Variants in LSAMP observed in about 807,000 individuals in gnomAD.
LSAMP encodes limbic system-associated membrane protein.
Under a neutral mutation model 38.6 loss-of-function variants are expected in LSAMP, and 7 were observed. That is an observed-to-expected ratio of 0.18 (90% confidence interval 0.10 to 0.34). The LOEUF (loss-of-function observed/expected upper bound fraction) is 0.34. Among genes scored for constraint, LSAMP ranks in the 10% least tolerant of loss-of-function variants. The probability of loss-of-function intolerance (pLI) is 1.00; values close to 1 mark genes in which losing one functional copy is unlikely to be tolerated. For synonymous variants in LSAMP, 154 were observed against 166.8 expected, an observed-to-expected ratio of 0.92 and a Z score of 0.59; for missense variants, 313 against 420.0, an observed-to-expected ratio of 0.75 and a Z score of 2.23.
intron 1 of LSAMP, among the ~76,000 whole-genome samples, chr3:116,169,139 A>C (rs537954024): frequency 5.7e-4 from 87 of 152,246 alleles, no homozygotes; most frequent in Middle Eastern, 3.4e-3. Context: ...CAGGAGTTCC[A>C]TTTACAGGGA....
chr3:116,285,372 T>TA (rs896634295), intron 1 of LSAMP, among the ~76,000 whole-genome samples: 31 of 152,110 alleles, frequency 2.0e-4, no homozygotes, highest in African/African-American at 7.2e-4. Flanking sequence ...CTTATAGATA[T>TA]ATGGGTGAGT....
chr3:116,248,780 T>A (rs1281131032), intron 1 of LSAMP, among the ~76,000 whole-genome samples: 2 of 152,058 alleles, frequency 1.3e-5, no homozygotes, highest in African/African-American at 4.8e-5. Flanking sequence ...TATGTAGGCA[T>A]GAGCACACCC....
chr3:116,209,534 A>G (rs1038786400), intron 1 of LSAMP, among the ~76,000 whole-genome samples: 2 of 152,080 alleles, frequency 1.3e-5, no homozygotes, highest in Admixed American at 1.3e-4. Context: ...GAAGCCAGTA[A>G]GGTTCAAATT....
chr3:116,271,575 T>A lies in LSAMP; in HGVS notation c.155+173302A>T, dbSNP rs990441932. Among the ~76,000 whole-genome samples, 6 of 152,260 alleles carry A rather than the reference T, an allele frequency of 3.9e-5. No homozygotes were observed. The East Asian group carries it at 1.2e-3, about 29-fold the overall frequency. On this transcript the variant is annotated intron_variant, in intron 1 of 6. Transcript: ENST00000490035. ...ATCAAAATAACAAAACTGGATTTTG[T>A]TAATAAACAGTTGGGGCCACATGCT... is the stretch of plus-strand genomic sequence containing the variant.
At chr3:116,183,640 T>C (rs143861560) in intron 1 of LSAMP, among the ~76,000 whole-genome samples, 1 of 152,000 alleles carries the variant, frequency 6.6e-6, no homozygotes, top group African/African-American at 2.4e-5. Context: ...GTTTCTGGCA[T>C]ACTGTTATTC....
intron 6 of LSAMP, chr3:115,814,365 G>A (rs1933939368): frequency 6.6e-6 from 1 of 152,128 alleles, no homozygotes; most frequent in Non-Finnish European, 1.5e-5. Context: ...TTGTGATTAA[G>A]GGCAAGATAG....
At chr3:116,095,841 TAAGTGGTG>T (rs1205220234) in intron 1 of LSAMP, among the ~76,000 whole-genome samples, 3 of 152,172 alleles carry the variant, frequency 2.0e-5, no homozygotes, top group African/African-American at 4.8e-5. Flanking sequence ...CCTTATTTTG[TAAGTGGTG>T]AAGTGGAAAA....
At chr3:116,079,326 A>C (rs1395440697) in intron 2 of LSAMP, among the ~76,000 whole-genome samples, 1 of 152,122 alleles carries the variant, frequency 6.6e-6, no homozygotes, top group African/African-American at 2.4e-5. Flanking sequence ...GCTCTTCCAC[A>C]ACACTTCAGC....
chr3:116,393,576 G>A (rs1394667693), intron 1 of LSAMP, among the ~76,000 whole-genome samples: 1 of 152,188 alleles, frequency 6.6e-6, no homozygotes, highest in African/African-American at 2.4e-5. Flanking sequence ...CAGGCTGAGT[G>A]GGTGGAATGA....
At chr3:116,020,097 T>G (rs1940596701) in intron 2 of LSAMP, among the ~76,000 whole-genome samples, 1 of 152,222 alleles carries the variant, frequency 6.6e-6, no homozygotes, top group African/African-American at 2.4e-5. Flanking sequence ...TACTGTATTA[T>G]TAAGATGTGG....
intron 1 of LSAMP, among the ~76,000 whole-genome samples, chr3:116,256,888 A>G (rs1229971765): frequency 6.6e-6 from 1 of 152,206 alleles, no homozygotes; most frequent in Non-Finnish European, 1.5e-5. Context: ...TTCCACAGTC[A>G]CAAAAATCAA....
At chr3:116,148,149 C>T (rs1709530174) in intron 1 of LSAMP, among the ~76,000 whole-genome samples, 1 of 148,316 alleles carries the variant, frequency 6.7e-6, no homozygotes, top group Non-Finnish European at 1.5e-5. Context: ...GGAATGTTAT[C>T]CAATTTGCAT....
At chr3:115,925,745 T>C (rs991041076) in intron 3 of LSAMP, among the ~76,000 whole-genome samples, 1 of 152,188 alleles carries the variant, frequency 6.6e-6, no homozygotes, top group African/African-American at 2.4e-5. Context: ...GGAATGCCAC[T>C]GATTGAGTGT....
intron 1 of LSAMP, among the ~76,000 whole-genome samples, chr3:116,331,001 T>C (rs2047844150): frequency 6.6e-6 from 1 of 152,120 alleles, no homozygotes; most frequent in Non-Finnish European, 1.5e-5. Flanking sequence ...TACTCATCTT[T>C]AGGAAGATGT....
intron 1 of LSAMP, among the ~76,000 whole-genome samples, chr3:116,350,404 GTTCGAAAATA>G (rs1228185617): frequency 6.6e-6 from 1 of 152,038 alleles, no homozygotes; most frequent in Non-Finnish European, 1.5e-5. Context: ...CTCAGCTGCA[GTTCGAAAATA>G]TTAAATGGAA....
intron 1 of LSAMP, among the ~76,000 whole-genome samples, chr3:116,163,586 A>G (rs1709955287): frequency 6.6e-6 from 1 of 152,080 alleles, no homozygotes; most frequent in African/African-American, 2.4e-5. Flanking sequence ...TTTGGGGTAT[A>G]TACCCAGTAA....
At chr3:116,058,823 T>A (rs914926350) in intron 2 of LSAMP, among the ~76,000 whole-genome samples, 1 of 152,162 alleles carries the variant, frequency 6.6e-6, no homozygotes, top group Admixed American at 6.6e-5. Context: ...AGAAGAGTGA[T>A]AAAGACTCAC....
chr3:116,070,267 A>G (rs1707568830), intron 2 of LSAMP, among the ~76,000 whole-genome samples: 1 of 152,216 alleles, frequency 6.6e-6, no homozygotes, highest in African/African-American at 2.4e-5. Flanking sequence ...TGATGAGTGG[A>G]GAGACTTACT....
intron 1 of LSAMP, among the ~76,000 whole-genome samples, chr3:116,097,307 C>G (rs1159168709): frequency 1.3e-5 from 2 of 152,214 alleles, no homozygotes; most frequent in Non-Finnish European, 1.5e-5. Flanking sequence ...AAACCACAAT[C>G]CACAATGCAC....
Sources: allele counts gnomAD v4.1 joint callset (sites outside exome capture counted in the v4.1 genomes callset), GRCh38; gene constraint gnomAD v4.1.1; transcripts MANE v1.5; gene names NCBI Gene and HGNC (gene_info 2026-07-23, HGNC 2026-07-21).